Variants in STAU1 observed in about 807,000 individuals in gnomAD.
The protein encoded by STAU1 is double-stranded RNA-binding protein Staufen homolog 1.
STAU1 carries 13 observed loss-of-function variants against 62.9 expected under a neutral mutation model. That is an observed-to-expected ratio of 0.21 (90% CI 0.13 to 0.33). The LOEUF (loss-of-function observed/expected upper bound fraction) is 0.33. Among genes scored for constraint, STAU1 ranks in the 10% least tolerant of loss-of-function variants. STAU1 has a pLI of 1.00. For synonymous variants in STAU1, 269 were observed against 265.1 expected (o/e 1.01, Z -0.14); for missense variants, 571 against 712.1 (o/e 0.80, Z 2.25).
chr20:49,181,862 A>G (rs1240873942), intron 1 of STAU1, among the ~76,000 whole-genome samples: 2 of 151,508 alleles, frequency 1.3e-5, no homozygotes, highest in East Asian at 3.9e-4. Context: ...AAAGACCCCA[A>G]TGTATTTAAA....
chr20:49,175,972 T>C (rs1037871351), intron 1 of STAU1, among the ~76,000 whole-genome samples: 1 of 151,420 alleles, frequency 6.6e-6, no homozygotes, highest in African/African-American at 2.4e-5. Flanking sequence ...TTTTTTGTAT[T>C]TTTAGTAGAG....
chr20:49,116,987 C>T (rs2092343254), intron 12 of STAU1, 139 bp downstream of exon 12: 2 of 1,093,446 alleles, frequency 1.8e-6, no homozygotes, highest in South Asian at 1.7e-5. Flanking sequence ...AAAATATGAA[C>T]ACTATCAAAC....
At chr20:49,125,969 A>G (rs1176206388) in intron 6 of STAU1, among the ~76,000 whole-genome samples, 1 of 152,026 alleles carries the variant, frequency 6.6e-6, no homozygotes, top group Non-Finnish European at 1.5e-5. Flanking sequence ...TAAAGAAATA[A>G]AACTAAGTCA....
At chr20:49,118,710 A>G (rs2092391260) in intron 9 of STAU1, among the ~76,000 whole-genome samples, 1 of 152,232 alleles carries the variant, frequency 6.6e-6, no homozygotes, top group African/African-American at 2.4e-5. Context: ...TTTAACCAGA[A>G]AGAGCAGAGA....
At chr20:49,201,071 A>AAAAAAGAAG in the STAU1 span, among the ~76,000 whole-genome samples, 750 of 103,944 alleles carry the variant, frequency 7.2e-3, 25 homozygotes, top group Non-Finnish European at 0.011. Flanking sequence ...AAAAAAAAAA[A>AAAAAAGAAG]AAGAAGAAGA....
At chr20:49,215,021 G>A in the STAU1 span, among the ~76,000 whole-genome samples, 1 of 152,188 alleles carries the variant, frequency 6.6e-6, no homozygotes, top group Non-Finnish European at 1.5e-5. Context: ...GGAAGTCTGA[G>A]GTTGCTAGTC....
chr20:49,126,386 A>T lies in STAU1; in HGVS notation c.610-1799T>A, dbSNP rs1010212563. ...AGACCAGCCTGGCCAATACAGCAAG[A>T]CCTTGACTCTACAAAAATAAAAACA... On this transcript the variant is annotated intron_variant, in intron 6 of 13. Transcript: ENST00000371856. Among the ~76,000 whole-genome samples the T allele has an allele frequency of 4.0e-5, 6 of 151,458 alleles. 1 individual carries two copies. In the East Asian group the frequency reaches 1.2e-3, roughly 29 times the overall value.
At chr20:49,198,730 G>A in the STAU1 span, among the ~76,000 whole-genome samples, 9 of 152,170 alleles carry the variant, frequency 5.9e-5, no homozygotes, top group African/African-American at 1.9e-4. Context: ...TTGGGAGGCC[G>A]AGGCGGGCAG....
At chr20:49,125,084 A>AAAC (rs1458607238) in intron 6 of STAU1, among the ~76,000 whole-genome samples, 3 of 150,422 alleles carry the variant, frequency 2.0e-5, no homozygotes, top group African/African-American at 7.3e-5. Context: ...AAAAAAAAAA[A>AAAC]AAAAAAACCC....
At chr20:49,145,010 G>A (rs529303678) in intron 5 of STAU1, among the ~76,000 whole-genome samples, 40 of 152,312 alleles carry the variant, frequency 2.6e-4, no homozygotes, top group Non-Finnish European at 3.4e-4. Context: ...TTGTAAGACA[G>A]AAAGAGTTTT....
chr20:49,210,582 A>G, the STAU1 span: 2 of 447,856 alleles, frequency 4.5e-6, no homozygotes. Flanking sequence ...TTTTCCTAAC[A>G]CAGACTTTAT....
At chr20:49,170,332 G>T (rs1435370303) in intron 2 of STAU1, among the ~76,000 whole-genome samples, 3 of 152,168 alleles carry the variant, frequency 2.0e-5, no homozygotes, top group Non-Finnish European at 4.4e-5. Flanking sequence ...TTTGTACTAT[G>T]AAATACTTAA....
chr20:49,127,662 C>T (rs1045830743), intron 6 of STAU1, among the ~76,000 whole-genome samples: 3 of 151,746 alleles, frequency 2.0e-5, no homozygotes, highest in Admixed American at 2.0e-4. Context: ...GCTGAGATCG[C>T]GCCATTGCAT....
chr20:49,173,258 G>A (rs1348806692), intron 2 of STAU1, among the ~76,000 whole-genome samples: 3 of 151,776 alleles, frequency 2.0e-5, no homozygotes, highest in African/African-American at 4.8e-5. Flanking sequence ...AGGAGTTCGA[G>A]ACCAGCCTGA....
chr20:49,130,065 C>A lies in STAU1; in HGVS notation c.610-5478G>T, dbSNP rs181493769. 1.1e-4 allele frequency among the ~76,000 whole-genome samples: 17 copies of A among 150,584 alleles called. No homozygotes were observed. In the East Asian group the frequency reaches 3.1e-3, roughly 28 times the overall value. On this transcript the variant is annotated intron_variant, in intron 6 of 13. Coordinates refer to ENST00000371856, the MANE Select transcript of STAU1 (RefSeq NM_017453.4). ...TTTATTAATAATCACCAAAAACTCA[C>A]AACAATACAAATCTTCAACTGGTAA...
chr20:49,185,114 G>A (rs957733596), intron 1 of STAU1, among the ~76,000 whole-genome samples: 1 of 152,122 alleles, frequency 6.6e-6, no homozygotes. Flanking sequence ...GGCAGACGGG[G>A]GCACTTTGGA....
chr20:49,196,422 G>A, the STAU1 span, among the ~76,000 whole-genome samples: 16 of 142,414 alleles, frequency 1.1e-4, no homozygotes, highest in African/African-American at 4.2e-4. Flanking sequence ...GGGCGACAGC[G>A]AGACTCCGTC....
At chr20:49,201,761 A>G in the STAU1 span, among the ~76,000 whole-genome samples, 4 of 143,402 alleles carry the variant, frequency 2.8e-5, no homozygotes, top group African/African-American at 5.0e-5. Flanking sequence ...AAAAAAAAAA[A>G]TGGGGAGGGG....
Position 49,161,605 on chromosome 20 carries a change from A to T in STAU1, c.205+4392T>A, listed in dbSNP as rs541012032. On this transcript the variant is annotated intron_variant, in intron 3 of 13. Transcript: ENST00000371856. ...TTGCTCACACAAAAGCCTATACTCA[A>T]GCTGGATCTTGCTGAAACAAACTAA... 1.4e-4 allele frequency among the ~76,000 whole-genome samples: 22 copies of T among 152,364 alleles called. No homozygotes were observed. The East Asian group carries it at 4.0e-3, about 28-fold the overall frequency.
Sources: allele counts gnomAD v4.1 joint callset (sites outside exome capture counted in the v4.1 genomes callset), GRCh38; gene constraint gnomAD v4.1.1; transcripts MANE v1.5; gene names NCBI Gene and HGNC (gene_info 2026-07-23, HGNC 2026-07-21).